The following ADGRB1 variants were observed in gnomAD, a reference collection of about 807,000 sequenced individuals.
ADGRB1 encodes adhesion G protein-coupled receptor B1.
Under a neutral mutation model 175.7 loss-of-function variants are expected in ADGRB1, and 36 were observed. The ratio of observed to expected loss-of-function variants is 0.20; its 90% CI spans 0.16 to 0.27. The LOEUF (loss-of-function observed/expected upper bound fraction) is 0.27. Among genes scored for constraint, ADGRB1 ranks in the 10% least tolerant of loss-of-function variants. ADGRB1 has a pLI of 1.00. For missense variants in ADGRB1, 1,731 were observed against 2,255.3 expected (o/e 0.77, Z 4.71); for synonymous variants, 1,054 against 979.4 (o/e 1.08, Z -1.42).
chr8:142,466,285 G>A (rs1299605278), intron 2 of ADGRB1, among the ~76,000 whole-genome samples: 1 of 152,186 alleles, frequency 6.6e-6, no homozygotes, highest in Non-Finnish European at 1.5e-5. Context: ...TGAAGCCTAT[G>A]GACTCCTCAG....
intron 1 of ADGRB1, among the ~76,000 whole-genome samples, chr8:142,450,406 C>G (rs1252767574): frequency 6.6e-6 from 1 of 152,118 alleles, no homozygotes; most frequent in African/African-American, 2.4e-5. Context: ...CGCCTCCTCC[C>G]CATCCACACA....
At chr8:142,541,191 C>T (rs998737381) in intron 27 of ADGRB1, among the ~76,000 whole-genome samples, 1 of 151,996 alleles carries the variant, frequency 6.6e-6, no homozygotes, top group African/African-American at 2.4e-5. Context: ...GGTGGGCACC[C>T]CTCTGTCAGG....
chr8:142,540,240 T>C (rs1845184730), intron 27 of ADGRB1, among the ~76,000 whole-genome samples: 1 of 152,140 alleles, frequency 6.6e-6, no homozygotes, highest in African/African-American at 2.4e-5. Context: ...CTGGTGCCAG[T>C]TGGGCCCCAG....
chr8:142,538,524 G>C (rs987693753), intron 26 of ADGRB1, among the ~76,000 whole-genome samples: 1 of 152,224 alleles, frequency 6.6e-6, no homozygotes, highest in Non-Finnish European at 1.5e-5. Flanking sequence ...ATCCCAGGGG[G>C]AAGATTTTGT....
Position 142,542,238 on chromosome 8 carries a change from G to C in ADGRB1, c.4004G>C (p.Arg1335Pro). Residue 1335 changes from arginine to proline, a missense_variant, in exon 28 of 31, where the codon CGG (arginine) becomes CCG (proline). This residue lies in a region of ADGRB1 where 394 missense variants were observed against 410.2 expected (regional missense o/e 0.96). Transcript: ENST00000517894. This position sits in a 1 kb window ranked among gnomAD's most constrained non-coding sequence, Gnocchi z 6.3. ...IFKKLDSELS[R>P]AQEKALDTSY... ...AAGAAGCTGGACTCGGAGCTGAGCC[G>C]GGCCCAGGAGAAGGCTCTGGACACG... 1.2e-6 allele frequency: 2 copies of C among 1,613,574 alleles called. No homozygotes were observed. The highest frequency in any genetic ancestry group is 1.6e-4 in the Middle Eastern group (1 of 6,062).
At chr8:142,451,918 G>C (rs1270368311) in intron 1 of ADGRB1, among the ~76,000 whole-genome samples, 1 of 152,176 alleles carries the variant, frequency 6.6e-6, no homozygotes, top group African/African-American at 2.4e-5. Context: ...GCGCCCGCAC[G>C]CCGGGGTGCC....
chr8:142,495,740 C>A (rs186476948), intron 17 of ADGRB1, among the ~76,000 whole-genome samples: 1 of 152,202 alleles, frequency 6.6e-6, no homozygotes, highest in African/African-American at 2.4e-5. Flanking sequence ...TGTGCCCCCC[C>A]GCCAAACCCA....
chr8:142,489,644 G>A (rs927450338), intron 16 of ADGRB1, among the ~76,000 whole-genome samples: 6 of 152,150 alleles, frequency 3.9e-5, no homozygotes, highest in South Asian at 2.1e-4. Context: ...GTGAGGTGCC[G>A]AAACCCCATC....
intron 25 of ADGRB1, among the ~76,000 whole-genome samples, chr8:142,536,691 G>A (rs1357160546): frequency 3.3e-5 from 5 of 151,960 alleles, no homozygotes; most frequent in Admixed American, 6.5e-5. Context: ...GCAGGTTCTC[G>A]CAGGCGGACT....
At chr8:142,517,636 G>T (rs909534241) in intron 18 of ADGRB1, among the ~76,000 whole-genome samples, 1 of 152,164 alleles carries the variant, frequency 6.6e-6, no homozygotes, top group Non-Finnish European at 1.5e-5. Context: ...ATGTGTCCGG[G>T]CTGTGGAGGG....
intron 18 of ADGRB1, among the ~76,000 whole-genome samples, chr8:142,512,457 G>A (rs921392473): frequency 6.6e-5 from 10 of 152,208 alleles, no homozygotes; most frequent in African/African-American, 2.4e-4. Context: ...TCCAGTCTCC[G>A]GGTGCTGCTC....
At chr8:142,522,168 G>A in intron 21 of ADGRB1, 53 bp downstream of exon 21, 1 of 1,579,986 alleles carries the variant, frequency 6.3e-7, no homozygotes, top group Middle Eastern at 1.7e-4. Flanking sequence ...CTCCCCCACT[G>A]CTTGTTCTGT....
At chr8:142,501,719 G>A (rs1207567454) in intron 17 of ADGRB1, among the ~76,000 whole-genome samples, 1 of 106,098 alleles carries the variant, frequency 9.4e-6, no homozygotes, top group East Asian at 3.3e-4. Flanking sequence ...GTGATGGTGA[G>A]GGTGATGTGG....
At chr8:142,484,205 C>T (rs1303309751) in intron 12 of ADGRB1, among the ~76,000 whole-genome samples, 160 bp downstream of exon 12, 2 of 152,206 alleles carry the variant, frequency 1.3e-5, no homozygotes, top group Non-Finnish European at 1.5e-5. Flanking sequence ...TGAGGAAGCT[C>T]AGCATTCCTA....
chr8:142,476,300 G>A (rs1422830761), intron 3 of ADGRB1, among the ~76,000 whole-genome samples: 2 of 152,200 alleles, frequency 1.3e-5, no homozygotes, highest in African/African-American at 4.8e-5. Context: ...GGGGGCTGTT[G>A]GGGTGCCAGG....
intron 2 of ADGRB1, among the ~76,000 whole-genome samples, chr8:142,469,497 ATG>A (rs1226935956): frequency 1.5e-5 from 2 of 132,566 alleles, no homozygotes; most frequent in East Asian, 5.0e-4. Context: ...ATGCACGTGC[ATG>A]TGTGAATGTG....
At position 142,510,922 on chromosome 8, in the gene ADGRB1, C is replaced by A. The variant is rs1294286781; in HGVS notation, c.2676-10C>A. ...CGCCTGTCTCCCTCCCGTGTCCCGC[C>A]CGCCCCCAGACCCTCCTCCTCCGCC... On this transcript the variant is annotated splice_polypyrimidine_tract_variant and intron_variant, in intron 17 of 30. Transcript: ENST00000517894. The surrounding 1 kb of genome is among the most constrained non-coding windows in gnomAD (Gnocchi z 6.3). 2 of 1,103,558 alleles carry A rather than the reference C, an allele frequency of 1.8e-6. No individual in the cohort carries two copies. The highest frequency in any genetic ancestry group is 5.5e-5 in the East Asian group (1 of 18,340). The allele number at this position is 1,103,558 out of a possible 1,614,324, so 68.4% of individuals were successfully genotyped here.
intron 1 of ADGRB1, among the ~76,000 whole-genome samples, chr8:142,462,656 G>A (rs566633650): frequency 6.1e-4 from 93 of 152,316 alleles, no homozygotes; most frequent in Non-Finnish European, 9.9e-4. Context: ...AGCAGGAAGC[G>A]GCAAGTCCCG....
Position 142,464,072 on chromosome 8 carries a change from C to A in ADGRB1, c.-127C>A. On this transcript the variant is annotated 5_prime_UTR_variant, in exon 2 of 31. Coordinates refer to ENST00000517894, the MANE Select transcript of ADGRB1 (RefSeq NM_001702.3). ...CACCTGAAGCGGGGCCCTCTCCCAT[C>A]CCACCCTTGCCCCGCCTCCCTGCCC... 9.4e-4 allele frequency: 350 copies of A among 372,310 alleles called. No homozygotes were observed. Among genetic ancestry groups the A allele is most frequent in the East Asian group, 2.1e-3 (26 of 12,552 alleles). 23.1% of individuals were successfully genotyped at this position (372,310 alleles called of 1,614,324 possible). A position where few individuals can be genotyped will look rare whatever the true frequency, so the allele number is the denominator to read the frequency against.
Sources: allele counts gnomAD v4.1 joint callset (sites outside exome capture counted in the v4.1 genomes callset), GRCh38; gene constraint gnomAD v4.1.1; regional missense constraint gnomAD v4.1.1; non-coding constraint Gnocchi (gnomAD v3.1); transcripts MANE v1.5; gene names NCBI Gene and HGNC (gene_info 2026-07-23, HGNC 2026-07-21).